Variants in MYO10 observed in about 807,000 individuals in gnomAD.
MYO10 encodes the protein myosin X, also known as unconventional myosin-X.
A neutral mutation model predicts 257.3 loss-of-function variants in MYO10; 133 were observed. The ratio of observed to expected loss-of-function variants is 0.52; its 90% CI spans 0.45 to 0.60. MYO10 has a LOEUF of 0.60. MYO10 is among the 20% of genes least tolerant of loss of function. The pLI is 0.00. For missense variants in MYO10, 2,399 were observed against 2,635.7 expected (o/e 0.91, Z 1.97); for synonymous variants, 1,104 against 1,028.6 (o/e 1.07, Z -1.40).
intron 24 of MYO10, among the ~76,000 whole-genome samples, chr5:16,702,116 A>G (rs1738108658): frequency 6.6e-6 from 1 of 152,172 alleles, no homozygotes; most frequent in Admixed American, 6.5e-5. Context: ...TCACACAGAG[A>G]AAAAAGGCTG....
At position 16,694,588 on chromosome 5, in the gene MYO10, G is replaced by A. The variant is rs1283106000; in HGVS notation, c.3583C>T (p.Arg1195Cys). The change falls in exon 27 of 41, where the codon CGC (arginine) becomes TGC (cysteine). Residue 1195 changes from arginine (R) to cysteine (C), a missense_variant. Arg to Cys is a radical substitution (Grantham distance 180). Around this residue, in one of 3 missense-constraint regions of MYO10, gnomAD observed 1,820 missense variants for 1,939.4 expected, o/e 0.94. Transcript: ENST00000513610. The part of the protein sequence containing the change: ...KGGLMNSWKR[R>C]WCVLKDETFL... ...GTTTCATCCTTGAGGACGCACCAGCGGCGTTTCCAAGAGTTCATCAGGCCA... is the reference window on the plus strand; with the variant it reads ...GTTTCATCCTTGAGGACGCACCAGCAGCGTTTCCAAGAGTTCATCAGGCCA... The A allele has an allele frequency of 8.1e-6, 13 of 1,613,742 alleles. No homozygotes were observed. In the Admixed American group the frequency reaches 1.0e-4, roughly 12 times the overall value.
Position 16,662,917 on chromosome 5 carries a change from C to G in MYO10, c.*3775G>C, listed in dbSNP as rs1736030255. On this transcript the variant is annotated 3_prime_UTR_variant, in exon 41 of 41. Coordinates refer to ENST00000513610, the MANE Select transcript of MYO10 (RefSeq NM_012334.3). ...GTCCACCATGATTGTGAGGCCTCCC[C>G]AGGCATGTGAGACTGAGTCCATTCA... The G allele has an allele frequency of 6.6e-6, 1 of 152,180 alleles. No individual in the cohort carries two copies. Among genetic ancestry groups the G allele is most frequent in the Non-Finnish European group, 1.5e-5 (1 of 68,054 alleles). 9.4% of individuals were successfully genotyped at this position (152,180 alleles called of 1,614,324 possible).
intron 1 of MYO10, among the ~76,000 whole-genome samples, chr5:16,886,778 C>A (rs1744908823): frequency 6.6e-6 from 1 of 151,634 alleles, no homozygotes; most frequent in Non-Finnish European, 1.5e-5. Flanking sequence ...CTAAAAATAC[C>A]AAAATTAGCT....
At chr5:16,816,271 G>A (rs551710409) in intron 3 of MYO10, among the ~76,000 whole-genome samples, 5 of 150,000 alleles carry the variant, frequency 3.3e-5, no homozygotes, top group Admixed American at 6.6e-5. Context: ...CCCAGGAGGC[G>A]GAGCCTGCAG....
chr5:16,806,429 G>A (rs1048848173), intron 3 of MYO10, among the ~76,000 whole-genome samples: 3 of 151,860 alleles, frequency 2.0e-5, no homozygotes, highest in African/African-American at 7.2e-5. Flanking sequence ...GGCGGATCAC[G>A]AGGTCAGGAG....
rs567328124 is a variant in MYO10 at position 16,696,628 on chromosome 5, C to T, written c.3557-2014G>A. Among the ~76,000 whole-genome samples the T allele has an allele frequency of 1.2e-4, 8 of 66,696 alleles. No individual in the cohort carries two copies. The East Asian group carries it at 2.0e-3, about 17-fold the overall frequency. 43.8% of individuals were successfully genotyped at this position (66,696 alleles called of 152,430 possible). On this transcript the variant is annotated intron_variant, in intron 26 of 40. Transcript: ENST00000513610. ...ATCCCAGCACTTTGGGAGGCTGAGGCGGGTGGATCACAAGGTCAAGAGTTC... is the reference window on the plus strand; with the variant it reads ...ATCCCAGCACTTTGGGAGGCTGAGGTGGGTGGATCACAAGGTCAAGAGTTC...
intron 4 of MYO10, among the ~76,000 whole-genome samples, chr5:16,786,374 C>T (rs571188778): frequency 9.2e-5 from 14 of 152,280 alleles, no homozygotes; most frequent in Non-Finnish European, 1.8e-4. Context: ...TGGACCAAGT[C>T]ATGGATATCA....
At chr5:16,687,959 G>A (rs1394830099) in intron 28 of MYO10, among the ~76,000 whole-genome samples, 1 of 152,180 alleles carries the variant, frequency 6.6e-6, no homozygotes, top group Non-Finnish European at 1.5e-5. Context: ...CTTGAATCAA[G>A]TATAACTTGG....
At chr5:16,829,166 G>A (rs1018391559) in intron 2 of MYO10, among the ~76,000 whole-genome samples, 1 of 152,164 alleles carries the variant, frequency 6.6e-6, no homozygotes, top group African/African-American at 2.4e-5. Flanking sequence ...AGATGCAAGG[G>A]TGATGTGGCA....
chr5:16,719,985 C>T lies in MYO10; in HGVS notation c.1930-8740G>A, dbSNP rs528626779. On this transcript the variant is annotated intron_variant, in intron 19 of 40. Transcript: ENST00000513610. The stretch of plus-strand genomic sequence containing the variant: ...GTCCCTAAAGAAATAAATGTGTGTG[C>T]GTGCGTGTGTGTGTGTGTGTGTGTG... Among the ~76,000 whole-genome samples the T allele has an allele frequency of 1.3e-3, 112 of 83,916 alleles. 1 individual carries two copies. In the East Asian group the frequency reaches 0.024, roughly 18 times the overall value. 55.1% of individuals were successfully genotyped at this position (83,916 alleles called of 152,430 possible).
Position 16,681,893 on chromosome 5 carries a change from C to T in MYO10, c.4167G>A (p.Glu1389=), listed in dbSNP as rs1579813858. 6.8e-6 allele frequency: 11 copies of T among 1,613,984 alleles called. No individual in the cohort carries two copies. In the East Asian group the frequency reaches 2.5e-4, roughly 36 times the overall value. Residue 1389 remains glutamate (E), a synonymous_variant, in exon 31 of 41, where the codon GAG becomes GAA. Coordinates refer to ENST00000513610, the MANE Select transcript of MYO10 (RefSeq NM_012334.3). ...LQRSKGDTRV[E]GQEFIVRGWL... ...CACCTCTCACGATGAATTCCTGGCC[C>T]TCCACTCTGGTGTCCCCTTTGGACC... is the stretch of plus-strand genomic sequence containing the variant.
At chr5:16,773,325 T>A (rs897807223) in intron 9 of MYO10, among the ~76,000 whole-genome samples, 3 of 152,182 alleles carry the variant, frequency 2.0e-5, no homozygotes, top group African/African-American at 7.2e-5. Context: ...CTTTTTAAAC[T>A]GTGTTAAAGA....
At chr5:16,757,394 A>G (rs943153671) in intron 18 of MYO10, among the ~76,000 whole-genome samples, 3 of 151,888 alleles carry the variant, frequency 2.0e-5, no homozygotes, top group African/African-American at 7.3e-5. Flanking sequence ...GACCTTCTAG[A>G]AAAAGAAAAC....
At chr5:16,685,931 G>T in intron 28 of MYO10, 100 bp from the exon 29 acceptor site, 2 of 846,104 alleles carry the variant, frequency 2.4e-6, no homozygotes, top group Non-Finnish European at 3.8e-6. Context: ...ACATCTCTAA[G>T]CACCTTTGCT....
At chr5:16,861,887 G>A (rs1744118805) in intron 2 of MYO10, among the ~76,000 whole-genome samples, 1 of 152,150 alleles carries the variant, frequency 6.6e-6, no homozygotes, top group African/African-American at 2.4e-5. Context: ...TTACACCTAG[G>A]CTCAATTGCC....
chr5:16,898,996 A>G (rs2625172), intron 1 of MYO10, among the ~76,000 whole-genome samples: 63,704 of 138,716 alleles, frequency 0.46, 15,116 homozygotes, highest in Admixed American at 0.52. Context: ...TTAGCTGGGC[A>G]TGGCGGTGGG....
chr5:16,693,628 T>C (rs913686471), intron 27 of MYO10, among the ~76,000 whole-genome samples: 6 of 152,248 alleles, frequency 3.9e-5, no homozygotes, highest in African/African-American at 1.4e-4. Context: ...CCCTCAAAGA[T>C]TATTTTACTA....
chr5:16,724,746 A>C (rs1425960932), intron 19 of MYO10, among the ~76,000 whole-genome samples: 1 of 152,202 alleles, frequency 6.6e-6, no homozygotes, highest in Non-Finnish European at 1.5e-5. Flanking sequence ...AAATGAAAAA[A>C]TAATACACGC....
At chr5:16,747,647 G>A (rs62369282) in intron 19 of MYO10, among the ~76,000 whole-genome samples, 1 of 152,106 alleles carries the variant, frequency 6.6e-6, no homozygotes, top group Non-Finnish European at 1.5e-5. Context: ...GGCTGGACGC[G>A]GTGGCTCACA....
Sources: gnomAD v4.1 joint callset for allele counts (sites outside exome capture counted in the v4.1 genomes callset) on GRCh38, gnomAD v4.1.1 for gene constraint, gnomAD v4.1.1 regional missense constraint, MANE v1.5 for transcripts, NCBI Gene and HGNC (gene_info 2026-07-23, HGNC 2026-07-21) for gene names.